The following GNAQ variants were observed in gnomAD, a reference collection of about 807,000 sequenced individuals.
The protein encoded by GNAQ is guanine nucleotide-binding protein G(q) subunit alpha.
In GNAQ, 8 loss-of-function variants were observed where a neutral mutation model predicts 43.9. The ratio of observed to expected loss-of-function variants is 0.18; its 90% confidence interval spans 0.11 to 0.33. GNAQ has a LOEUF of 0.33. GNAQ is among the 10% of genes least tolerant of loss of function. The pLI, the probability that GNAQ is intolerant of heterozygous loss-of-function variation, is 1.00. For missense variants in GNAQ, 158 were observed against 450.8 expected (o/e 0.35, Z 5.88); for synonymous variants, 155 against 170.7 (o/e 0.91, Z 0.71).
intron 2 of GNAQ, among the ~76,000 whole-genome samples, chr9:77,851,875 G>A (rs537005448): frequency 2.6e-5 from 4 of 152,240 alleles, no homozygotes; most frequent in East Asian, 1.9e-4. Flanking sequence ...CTCCTTTGAT[G>A]TATTTTTTCA....
At chr9:77,888,072 T>C (rs575334998) in intron 2 of GNAQ, among the ~76,000 whole-genome samples, 3 of 152,358 alleles carry the variant, frequency 2.0e-5, no homozygotes, top group Non-Finnish European at 4.4e-5. Flanking sequence ...CATTCTCTCA[T>C]GACTGCACAA....
intron 2 of GNAQ, among the ~76,000 whole-genome samples, chr9:77,875,598 T>G (rs1334780797): frequency 1.3e-5 from 2 of 152,172 alleles, no homozygotes; most frequent in Non-Finnish European, 2.9e-5. Flanking sequence ...AGAGCCAGGT[T>G]TAATGCCACT....
intron 1 of GNAQ, chr9:78,030,569 C>T (rs1488657348): frequency 2.1e-6 from 1 of 470,728 alleles, no homozygotes. Flanking sequence ...CCCATTCCCT[C>T]CTGACCCCAT....
At chr9:77,792,865 A>G (rs1056551783) in intron 5 of GNAQ, among the ~76,000 whole-genome samples, 1 of 152,134 alleles carries the variant, frequency 6.6e-6, no homozygotes, top group African/African-American at 2.4e-5. Flanking sequence ...GACAACCTAC[A>G]TAACAAAGGC....
chr9:77,929,617 G>T (rs1393236168), intron 1 of GNAQ, among the ~76,000 whole-genome samples: 1 of 152,038 alleles, frequency 6.6e-6, no homozygotes, highest in Non-Finnish European at 1.5e-5. Context: ...GAACATTTGA[G>T]GTCAGGTGTT....
chr9:77,773,884 T>C (rs897341587), intron 5 of GNAQ, among the ~76,000 whole-genome samples: 2 of 152,208 alleles, frequency 1.3e-5, no homozygotes, highest in African/African-American at 4.8e-5. Context: ...TTATTAATTA[T>C]TGAGCTTGGT....
chr9:77,837,519 A>C (rs1462808134), intron 2 of GNAQ, among the ~76,000 whole-genome samples: 1 of 152,062 alleles, frequency 6.6e-6, no homozygotes, highest in Admixed American at 6.6e-5. Context: ...ATGCCACTGC[A>C]CTCTAGCCTG....
chr9:77,811,721 G>T (rs1826930453), intron 3 of GNAQ, among the ~76,000 whole-genome samples: 1 of 152,190 alleles, frequency 6.6e-6, no homozygotes, highest in African/African-American at 2.4e-5. Context: ...AGACGGTGAA[G>T]AATAAAGTAA....
intron 2 of GNAQ, among the ~76,000 whole-genome samples, chr9:77,865,940 C>T (rs1452809085): frequency 1.3e-5 from 2 of 152,076 alleles, no homozygotes; most frequent in East Asian, 3.8e-4. Flanking sequence ...GTTTCCAGTG[C>T]TAGGAATATA....
At chr9:77,723,782 G>A (rs1397940603) in intron 6 of GNAQ, among the ~76,000 whole-genome samples, 1 of 152,126 alleles carries the variant, frequency 6.6e-6, no homozygotes, top group Admixed American at 6.5e-5. Context: ...AGGGTTAGGG[G>A]GAGGAAGGAA....
chr9:77,878,362 T>C (rs572238584), intron 2 of GNAQ, among the ~76,000 whole-genome samples: 7 of 151,400 alleles, frequency 4.6e-5, no homozygotes, highest in Non-Finnish European at 1.0e-4. Context: ...GAATTCAAAA[T>C]AGCCAAGGTT....
At chr9:77,790,557 A>T (rs551170473) in intron 5 of GNAQ, among the ~76,000 whole-genome samples, 1 of 152,374 alleles carries the variant, frequency 6.6e-6, no homozygotes, top group African/African-American at 2.4e-5. Context: ...CTGGTAAAGG[A>T]TCTCTGGCTG....
chr9:77,817,825 C>T (rs532432902), intron 2 of GNAQ, among the ~76,000 whole-genome samples: 5 of 152,180 alleles, frequency 3.3e-5, no homozygotes, highest in African/African-American at 4.8e-5. Flanking sequence ...CAACTGTGTA[C>T]GGACCAAGGA....
chr9:77,906,177 A>G lies in GNAQ; in HGVS notation c.321+15984T>C, dbSNP rs138741614. ...ATTAGTATCTCCAGAACAACCTAAG[A>G]TAACAGCCCCAGTTTAATGATTTGA... On this transcript the variant is annotated intron_variant, in intron 2 of 6. Transcript: ENST00000286548. Among the ~76,000 whole-genome samples the G allele has an allele frequency of 2.2e-3, 337 of 152,366 alleles. 5 individuals are homozygous for G. Among genetic ancestry groups the G allele is most frequent in the African/African-American group, 7.5e-3 (313 of 41,580 alleles).
intron 1 of GNAQ, among the ~76,000 whole-genome samples, chr9:77,966,137 G>GA (rs1029283337): frequency 2.6e-5 from 4 of 152,080 alleles, no homozygotes; most frequent in African/African-American, 7.2e-5. Flanking sequence ...AGTCTGCAGT[G>GA]ACAGGAATCA....
chr9:77,753,289 G>A (rs10747021), intron 5 of GNAQ, among the ~76,000 whole-genome samples: 95,348 of 151,488 alleles, frequency 0.63, 31,010 homozygotes, highest in Non-Finnish European at 0.72. Context: ...GTGCGCACGC[G>A]CACACACACA....
intron 5 of GNAQ, among the ~76,000 whole-genome samples, chr9:77,748,189 G>T (rs904358933): frequency 1.3e-5 from 2 of 152,114 alleles, no homozygotes; most frequent in Non-Finnish European, 2.9e-5. Context: ...AATATTTTCA[G>T]CTATTATCTT....
intron 2 of GNAQ, among the ~76,000 whole-genome samples, chr9:77,889,084 A>G (rs1828356887): frequency 6.6e-6 from 1 of 152,106 alleles, no homozygotes; most frequent in Admixed American, 6.5e-5. Flanking sequence ...TTACTTAGTC[A>G]TGCCATACCT....
intron 2 of GNAQ, among the ~76,000 whole-genome samples, chr9:77,816,620 T>C (rs1055399977): frequency 6.6e-6 from 1 of 152,142 alleles, no homozygotes; most frequent in African/African-American, 2.4e-5. Context: ...CACATATATA[T>C]ATACACACAC....
Sources: gnomAD v4.1 joint callset for allele counts (sites outside exome capture counted in the v4.1 genomes callset) on GRCh38, gnomAD v4.1.1 for gene constraint, MANE v1.5 for transcripts, NCBI Gene and HGNC (gene_info 2026-07-23, HGNC 2026-07-21) for gene names.